Variants in PCDHGA4 observed in about 807,000 individuals in gnomAD.
PCDHGA4 encodes protocadherin gamma-A4.
In PCDHGA4, 38 loss-of-function variants were observed where a neutral mutation model predicts 54.6. The observed-to-expected ratio is 0.70, with a 90% CI of 0.54 to 0.91. The LOEUF (loss-of-function observed/expected upper bound fraction) is 0.91, where lower values mean the gene tolerates loss of function less well. Ranked by LOEUF, PCDHGA4 falls within the 40% of genes least tolerant of loss-of-function variation. The pLI is 0.00. For synonymous variants in PCDHGA4, 511 were observed against 512.9 expected (o/e 1.00, Z 0.05); for missense variants, 1,298 against 1,220.9 (o/e 1.06, Z -0.94).
intron 1 of PCDHGA4, among the ~76,000 whole-genome samples, chr5:141,358,331 G>C (rs1760885961): frequency 6.6e-6 from 1 of 152,204 alleles, no homozygotes; most frequent in East Asian, 1.9e-4. Flanking sequence ...TGAAGCTATT[G>C]TTGGATCTGG....
chr5:141,394,152 G>A lies in PCDHGA4; in HGVS notation c.2514+36531G>A, dbSNP rs141035845. 5.0e-3 allele frequency: 8,040 copies of A among 1,613,782 alleles called. 48 individuals are homozygous for A. Among genetic ancestry groups the A allele is most frequent in the Admixed American group, 9.4e-3 (566 of 59,984 alleles). On this transcript the variant is annotated intron_variant, in intron 1 of 3. Coordinates refer to ENST00000571252, the MANE Select transcript of PCDHGA4 (RefSeq NM_018917.4). ...CGCTCTGCACGTGGCAGACATTAAC[G>A]ACAACCCTCCTACTTTCCCTCATGC...
intron 1 of PCDHGA4, chr5:141,395,358 G>A: frequency 1.5e-6 from 2 of 1,346,158 alleles, no homozygotes; most frequent in Non-Finnish European, 9.9e-7. Context: ...ACAGAGTTTT[G>A]GGTTTATTTT....
chr5:141,360,370 C>A lies in PCDHGA4; in HGVS notation c.2514+2749C>A, dbSNP rs115198789. On this transcript the variant is annotated intron_variant, in intron 1 of 3. Coordinates refer to ENST00000571252, the MANE Select transcript of PCDHGA4 (RefSeq NM_018917.4). ...GGAGAAGGAATATTTCACAGTAAAC[C>A]CAGAAAGCGGAGACTTACTTGTGAG... The A allele has an allele frequency of 5.9e-5, 95 of 1,613,810 alleles. No homozygotes were observed. The highest frequency in any genetic ancestry group is 3.1e-4 in the African/African-American group (23 of 75,012).
At chr5:141,384,417 C>CATGGAG (rs1451567690) in intron 1 of PCDHGA4, 1 of 1,613,844 alleles carries the variant, frequency 6.2e-7, no homozygotes, top group East Asian at 2.2e-5. Flanking sequence ...CCTATGTCTC[C>CATGGAG]ATAAACTCTG....
intron 1 of PCDHGA4, chr5:141,478,158 C>G: frequency 6.2e-7 from 1 of 1,614,054 alleles, no homozygotes; most frequent in Non-Finnish European, 8.5e-7. Flanking sequence ...CCCTCTGGCT[C>G]TGCCCCCCGG....
intron 1 of PCDHGA4, among the ~76,000 whole-genome samples, chr5:141,400,876 T>G (rs1304937244): frequency 6.6e-6 from 1 of 152,230 alleles, no homozygotes; most frequent in East Asian, 1.9e-4. Flanking sequence ...ACCATTAAAT[T>G]TAATGTATGT....
intron 1 of PCDHGA4, chr5:141,388,313 T>C: frequency 6.2e-7 from 1 of 1,613,738 alleles, no homozygotes; most frequent in Non-Finnish European, 8.5e-7. Flanking sequence ...TGCAAATAAG[T>C]GAGTCTGCAC....
chr5:141,509,621 C>T (rs1179988828), intron 3 of PCDHGA4, among the ~76,000 whole-genome samples: 1 of 152,178 alleles, frequency 6.6e-6, no homozygotes, highest in African/African-American at 2.4e-5. Flanking sequence ...AAACAAGTTC[C>T]TGGGTGATGC....
chr5:141,398,989 T>A lies in PCDHGA4; in HGVS notation c.2514+41368T>A, dbSNP rs766277028. 153 of 1,613,914 alleles carry A rather than the reference T, an allele frequency of 9.5e-5. No individual in the cohort carries two copies. The Middle Eastern group carries it at 3.6e-3, about 38-fold the overall frequency. ...TTCCTTCTACAGAACCGGGCAAATC[T>A]TTAGTCTGAATTCAAAGAGCGGAGA... is the stretch of plus-strand genomic sequence containing the variant. On this transcript the variant is annotated intron_variant, in intron 1 of 3. Coordinates refer to ENST00000571252, the MANE Select transcript of PCDHGA4 (RefSeq NM_018917.4).
At chr5:141,404,170 G>T in intron 1 of PCDHGA4, 1 of 1,612,740 alleles carries the variant, frequency 6.2e-7, no homozygotes, top group Non-Finnish European at 8.5e-7. Flanking sequence ...GATTGTTGAC[G>T]GCCCAAATTC....
At chr5:141,365,106 C>CTCT (rs1561533219) in intron 1 of PCDHGA4, 1 of 1,613,862 alleles carries the variant, frequency 6.2e-7, no homozygotes, top group South Asian at 1.1e-5. Flanking sequence ...CCTGTGGGCA[C>CTCT]TCGGCTGCTC....
chr5:141,357,013 T>C lies in PCDHGA4; in HGVS notation c.1906T>C (p.Ser636Pro), dbSNP rs1242867628. 1.2e-6 allele frequency: 2 copies of C among 1,614,118 alleles called. No individual in the cohort carries two copies. The highest frequency in any genetic ancestry group is 2.2e-5 in the South Asian group (2 of 91,092). The change falls in exon 1 of 4, where the codon TCC becomes CCC. Residue 636 changes from serine (S) to proline (P), a missense_variant. Coordinates refer to ENST00000571252, the MANE Select transcript of PCDHGA4 (RefSeq NM_018917.4). Reference sequence around the variant, plus strand: ...AGACTCAGGTCAGAATGCCTGGCTGTCCTACAGCCTACTCAAGTCCAGCGA... The same window carrying C: ...AGACTCAGGTCAGAATGCCTGGCTGCCCTACAGCCTACTCAAGTCCAGCGA... ...DRDSGQNAWLSYSLLKSSEPG... is the reference protein window; with the variant it reads ...DRDSGQNAWLPYSLLKSSEPG...
At chr5:141,365,177 A>G in intron 1 of PCDHGA4, 3 of 1,613,884 alleles carry the variant, frequency 1.9e-6, no homozygotes, top group Non-Finnish European at 2.5e-6. Context: ...CTCTTTTCGC[A>G]ATGAAGAAGA....
Position 141,355,809 on chromosome 5 carries a change from G to A in PCDHGA4, c.702G>A (p.Glu234=). 6.2e-7 allele frequency: 1 copy of A among 1,613,206 alleles called. No homozygotes were observed. The highest frequency in any genetic ancestry group is 1.1e-5 in the South Asian group (1 of 90,972). The change falls in exon 1 of 4, where the codon GAG becomes GAA. Residue 234 remains glutamate, a synonymous_variant. Coordinates refer to ENST00000571252, the MANE Select transcript of PCDHGA4 (RefSeq NM_018917.4). Reference sequence around the variant, plus strand: ...TGCTGGAACGCGCTCTAGATCGCGAGGAAGAGGCGGTTCACCACCTCGTTC... The same window carrying A: ...TGCTGGAACGCGCTCTAGATCGCGAAGAAGAGGCGGTTCACCACCTCGTTC... The part of the protein sequence containing the change: ...ELVLERALDR[E]EEAVHHLVLT...
chr5:141,433,199 A>G (rs2097574804), intron 1 of PCDHGA4: 1 of 1,579,570 alleles, frequency 6.3e-7, no homozygotes, highest in Non-Finnish European at 8.6e-7. Context: ...TTTATATCAA[A>G]TCTTCTTTCT....
At chr5:141,381,826 C>CTTTTTTTTTTTTTTTTTTTTTT (rs770630741) in intron 1 of PCDHGA4, among the ~76,000 whole-genome samples, 11 of 74,280 alleles carry the variant, frequency 1.5e-4, no homozygotes, top group South Asian at 5.1e-4. Flanking sequence ...CTTTCTTCTT[C>CTTTTTTTTTTTTTTTTTTTTTT]TTTTTTTTTT....
chr5:141,415,465 A>G (rs751798354), intron 1 of PCDHGA4: 19 of 1,613,976 alleles, frequency 1.2e-5, no homozygotes, highest in Non-Finnish European at 1.5e-5. Context: ...GGTCTCTCTC[A>G]CCGCGGACTC....
Position 141,355,857 on chromosome 5 carries a change from C to T in PCDHGA4, c.750C>T (p.Asp250=). Residue 250 remains aspartate (D), a synonymous_variant, in exon 1 of 4, where the codon GAC becomes GAT. Coordinates refer to ENST00000571252, the MANE Select transcript of PCDHGA4 (RefSeq NM_018917.4). ...HLVLTAFDGG[D]PVRSGTARIL... Reference sequence around the variant, plus strand: ...TTCTCACGGCCTTCGATGGAGGTGACCCGGTTCGCTCTGGCACTGCCAGGA... The same window carrying T: ...TTCTCACGGCCTTCGATGGAGGTGATCCGGTTCGCTCTGGCACTGCCAGGA... 2 of 1,612,456 alleles carry T rather than the reference C, an allele frequency of 1.2e-6. No homozygotes were observed. Among genetic ancestry groups the T allele is most frequent in the Non-Finnish European group, 1.7e-6 (2 of 1,179,122 alleles).
At chr5:141,481,795 T>C (rs2154579318) in intron 1 of PCDHGA4, among the ~76,000 whole-genome samples, 1 of 150,244 alleles carries the variant, frequency 6.7e-6, no homozygotes, top group South Asian at 2.1e-4. Context: ...CTACTAAAAA[T>C]ACAAAAATTC....
Sources: gnomAD v4.1 joint callset for allele counts (sites outside exome capture counted in the v4.1 genomes callset) on GRCh38, gnomAD v4.1.1 for gene constraint, MANE v1.5 for transcripts, NCBI Gene and HGNC (gene_info 2026-07-23, HGNC 2026-07-21) for gene names.